PPTC7: variants seen among roughly 807,000 people sequenced by gnomAD.
PPTC7 encodes the protein protein phosphatase PTC7 homolog.
PPTC7 carries 6 observed loss-of-function variants against 30.8 expected under a neutral mutation model. That is an observed-to-expected ratio of 0.19 (90% confidence interval 0.11 to 0.38). The LOEUF (loss-of-function observed/expected upper bound fraction) is 0.38. PPTC7 is among the 10% of genes least tolerant of loss of function. The pLI, the probability that PPTC7 is intolerant of heterozygous loss-of-function variation, is 1.00. For missense variants in PPTC7, 218 were observed against 404.8 expected (o/e 0.54, Z 3.96); for synonymous variants, 163 against 168.1 (o/e 0.97, Z 0.23).
At chr12:110,555,670 C>T (rs987052797) in intron 1 of PPTC7, among the ~76,000 whole-genome samples, 1 of 152,086 alleles carries the variant, frequency 6.6e-6, no homozygotes, top group Non-Finnish European at 1.5e-5. Context: ...AAACAGAACA[C>T]GTGGATTGAG....
intron 1 of PPTC7, among the ~76,000 whole-genome samples, chr12:110,561,039 C>T (rs890440721): frequency 3.9e-5 from 6 of 152,202 alleles, no homozygotes; most frequent in Non-Finnish European, 8.8e-5. Context: ...AGACCCTCTG[C>T]ACTCTAAGGA....
chr12:110,582,010 T>C (rs548312036), intron 1 of PPTC7, among the ~76,000 whole-genome samples: 3 of 152,346 alleles, frequency 2.0e-5, no homozygotes, highest in Non-Finnish European at 4.4e-5. Context: ...GAACTATATT[T>C]AGCCCTTTCT....
intron 2 of PPTC7, among the ~76,000 whole-genome samples, chr12:110,547,634 A>C (rs2135768236): frequency 6.6e-6 from 1 of 152,324 alleles, no homozygotes; most frequent in South Asian, 2.1e-4. Context: ...GTTTACTAGA[A>C]GTCAATTTTT....
intron 1 of PPTC7, among the ~76,000 whole-genome samples, chr12:110,580,592 C>T (rs1281067826): frequency 2.6e-5 from 4 of 152,008 alleles, no homozygotes; most frequent in Admixed American, 2.6e-4. Flanking sequence ...CGCCCACCTC[C>T]GCCTCCCAAA....
intron 1 of PPTC7, among the ~76,000 whole-genome samples, chr12:110,553,200 A>G (rs967143917): frequency 7.0e-6 from 1 of 142,998 alleles, no homozygotes; most frequent in Non-Finnish European, 1.5e-5. Flanking sequence ...ACCAGGCTGG[A>G]GCAGTGGCGT....
chr12:110,579,905 C>G (rs1162353853), intron 1 of PPTC7, among the ~76,000 whole-genome samples: 3 of 151,986 alleles, frequency 2.0e-5, no homozygotes, highest in African/African-American at 7.3e-5. Context: ...CCCAGCTACT[C>G]AGGTGGCTGA....
intron 5 of PPTC7, among the ~76,000 whole-genome samples, chr12:110,537,685 C>A (rs932223349): frequency 2.0e-5 from 3 of 152,208 alleles, no homozygotes; most frequent in Non-Finnish European, 2.9e-5. Flanking sequence ...GACAAGTCTT[C>A]AGTCAAGGGC....
chr12:110,550,512 G>C (rs1041229931), intron 2 of PPTC7, among the ~76,000 whole-genome samples: 3 of 152,138 alleles, frequency 2.0e-5, no homozygotes. Context: ...TTACAGGCGT[G>C]AGCTGCCGCC....
At position 110,533,730 on chromosome 12, in the gene PPTC7, G is replaced by A. The variant is rs576987816; in HGVS notation, c.*3307C>T. On this transcript the variant is annotated 3_prime_UTR_variant, in exon 6 of 6. Coordinates refer to ENST00000354300, the MANE Select transcript of PPTC7 (RefSeq NM_139283.2). ...CCATGAACTCATCCAAAGTACAAAC[G>A]TTTACAATTCGAGCCAATCTTGTTT... 5 of 152,104 alleles carry A rather than the reference G, an allele frequency of 3.3e-5. No homozygotes were observed. The highest frequency in any genetic ancestry group is 1.2e-4 in the African/African-American group (5 of 41,400). The allele number at this position is 152,104 out of a possible 1,614,324, so 9.4% of individuals were successfully genotyped here.
intron 1 of PPTC7, among the ~76,000 whole-genome samples, chr12:110,581,389 G>A (rs1473386003): frequency 6.6e-6 from 1 of 151,940 alleles, no homozygotes; most frequent in Non-Finnish European, 1.5e-5. Context: ...ACTCCAGCCT[G>A]AGTGACAGAG....
intron 1 of PPTC7, among the ~76,000 whole-genome samples, chr12:110,565,087 G>C (rs2064471569): frequency 6.6e-6 from 1 of 151,478 alleles, no homozygotes; most frequent in African/African-American, 2.4e-5. Flanking sequence ...TGTCAGCCAG[G>C]CTGGTCTCAA....
rs752801199 is a variant in PPTC7, at chr12:110,582,931, T to C, written c.101A>G (p.Tyr34Cys). ...PRAGGGGGGD[Y>C]GLVTAGCGFG... ...GCCGCAGCCGGCCGTCACCAGTCCG[T>C]AGTCGCCGCCGCCGCCGCCGCCGGC... Residue 34 changes from tyrosine (Y) to cysteine (C), a missense_variant, in exon 1 of 6, where the codon TAC (tyrosine) becomes TGC (cysteine). Physicochemically the swap from Tyr to Cys is radical, Grantham distance 194. Coordinates refer to ENST00000354300, the MANE Select transcript of PPTC7 (RefSeq NM_139283.2). The C allele has an allele frequency of 1.3e-6, 2 of 1,547,066 alleles. No homozygotes were observed. Among genetic ancestry groups the C allele is most frequent in the Admixed American group, 3.9e-5 (2 of 50,998 alleles).
chr12:110,559,405 G>A (rs897782814), intron 1 of PPTC7, among the ~76,000 whole-genome samples: 3 of 148,506 alleles, frequency 2.0e-5, no homozygotes, highest in African/African-American at 7.6e-5. Context: ...TTTATAAGAA[G>A]AAAAAAATTT....
chr12:110,558,244 G>A (rs904307878), intron 1 of PPTC7, among the ~76,000 whole-genome samples: 7 of 152,146 alleles, frequency 4.6e-5, no homozygotes, highest in Non-Finnish European at 1.0e-4. Context: ...ATGAGTTTGC[G>A]GCTGGCAAGG....
At chr12:110,574,925 C>T (rs2135794844) in intron 1 of PPTC7, among the ~76,000 whole-genome samples, 1 of 150,598 alleles carries the variant, frequency 6.6e-6, no homozygotes, top group South Asian at 2.1e-4. Context: ...ATTACAGGCA[C>T]TCGCCACCAT....
intron 4 of PPTC7, among the ~76,000 whole-genome samples, chr12:110,538,803 A>G (rs183775334): frequency 2.3e-4 from 35 of 152,356 alleles, no homozygotes; most frequent in Middle Eastern, 3.4e-3. Context: ...CTCTAGTTTC[A>G]GTATAATGAC....
chr12:110,582,785 A>G lies in PPTC7; in HGVS notation c.223+24T>C, dbSNP rs139834634. On this transcript the variant is annotated intron_variant, in intron 1 of 5. Transcript: ENST00000354300. Reference sequence around the variant, plus strand: ...CGGGAGGCGGATCCGAGGCTGGGGCAAGGGAACCGGGTCGGGGACTCACCG... The same window carrying G: ...CGGGAGGCGGATCCGAGGCTGGGGCGAGGGAACCGGGTCGGGGACTCACCG... 13,758 of 1,531,056 alleles carry G rather than the reference A, an allele frequency of 9.0e-3. 68 individuals are homozygous for G. The highest frequency in any genetic ancestry group is 0.01 in the Non-Finnish European group (11,484 of 1,134,656). 94.8% of individuals were successfully genotyped at this position (1,531,056 alleles called of 1,614,324 possible). A position where few individuals can be genotyped will look rare whatever the true frequency, so the allele number is the denominator to read the frequency against.
chr12:110,537,932 CA>C (rs2064231462), intron 5 of PPTC7, among the ~76,000 whole-genome samples: 2 of 152,194 alleles, frequency 1.3e-5, no homozygotes, highest in Non-Finnish European at 2.9e-5. Context: ...CCTCTGCCGC[CA>C]ATGAGGTTCA....
At chr12:110,580,483 C>T (rs943378438) in intron 1 of PPTC7, among the ~76,000 whole-genome samples, 1 of 152,076 alleles carries the variant, frequency 6.6e-6, no homozygotes, top group East Asian at 1.9e-4. Context: ...GGACTACAGG[C>T]GTGTGCCACC....
Sources: allele counts gnomAD v4.1 joint callset (sites outside exome capture counted in the v4.1 genomes callset), GRCh38; gene constraint gnomAD v4.1.1; transcripts MANE v1.5; gene names NCBI Gene and HGNC (gene_info 2026-07-23, HGNC 2026-07-21).